Variants in TBC1D8 observed in about 807,000 individuals in gnomAD.
The protein encoded by TBC1D8 is TBC1 domain family member 8.
TBC1D8 carries 65 observed loss-of-function variants against 118.8 expected under a neutral mutation model. The ratio of observed to expected loss-of-function variants is 0.55; its 90% CI spans 0.45 to 0.67. The LOEUF (loss-of-function observed/expected upper bound fraction) is 0.67. TBC1D8 is among the 30% of genes least tolerant of loss of function. The probability of loss-of-function intolerance (pLI) is 0.00; values close to 1 mark genes in which losing one functional copy is unlikely to be tolerated. For synonymous variants in TBC1D8, 566 were observed against 595.8 expected (o/e 0.95, Z 0.73); for missense variants, 1,376 against 1,471.2 (o/e 0.94, Z 1.06).
At chr2:101,102,662 G>A (rs528516329) in intron 1 of TBC1D8, among the ~76,000 whole-genome samples, 17 of 152,066 alleles carry the variant, frequency 1.1e-4, no homozygotes, top group African/African-American at 3.6e-4. Context: ...AGTATACTAC[G>A]TTAACATTAA....
At chr2:101,126,038 G>T (rs533698608) in intron 1 of TBC1D8, among the ~76,000 whole-genome samples, 1 of 152,216 alleles carries the variant, frequency 6.6e-6, no homozygotes, top group East Asian at 1.9e-4. Context: ...GCTTTATTTG[G>T]CTCACAGGTC....
At chr2:101,083,132 A>C (rs2309938) in intron 2 of TBC1D8, among the ~76,000 whole-genome samples, 75,988 of 151,612 alleles carry the variant, frequency 0.5, 19,213 homozygotes, top group East Asian at 0.62. Flanking sequence ...TCTTTATATG[A>C]GGAAGTCTTA....
intron 2 of TBC1D8, among the ~76,000 whole-genome samples, chr2:101,077,413 A>G (rs538755301): frequency 4.8e-4 from 72 of 151,384 alleles, no homozygotes; most frequent in Non-Finnish European, 7.4e-4. Flanking sequence ...ACGCCCAGCT[A>G]ATTTTTTGTA....
chr2:101,092,524 C>T (rs1676108826), intron 1 of TBC1D8, among the ~76,000 whole-genome samples: 1 of 152,098 alleles, frequency 6.6e-6, no homozygotes, highest in Admixed American at 6.6e-5. Flanking sequence ...TTTCATTATT[C>T]TCTTACTTAT....
chr2:101,101,215 C>T (rs1016890393), intron 1 of TBC1D8, among the ~76,000 whole-genome samples: 1 of 152,116 alleles, frequency 6.6e-6, no homozygotes. Context: ...AGCTAAATAA[C>T]TCCATCAAAA....
intron 2 of TBC1D8, among the ~76,000 whole-genome samples, chr2:101,066,774 G>A (rs972438485): frequency 6.6e-6 from 1 of 151,866 alleles, no homozygotes; most frequent in Admixed American, 6.6e-5. Context: ...GCGAAACCCC[G>A]TCTCTATTAA....
chr2:101,093,962 C>T (rs1676224949), intron 1 of TBC1D8, among the ~76,000 whole-genome samples: 1 of 152,102 alleles, frequency 6.6e-6, no homozygotes, highest in Non-Finnish European at 1.5e-5. Flanking sequence ...TCCCAAAGTG[C>T]TGGGATTACA....
chr2:101,142,209 A>G (rs1679134577), intron 1 of TBC1D8, among the ~76,000 whole-genome samples: 1 of 152,138 alleles, frequency 6.6e-6, no homozygotes, highest in African/African-American at 2.4e-5. Context: ...GCTTGGAAAC[A>G]ATTTGGAATT....
Position 101,015,356 on chromosome 2 carries a change from A to G in TBC1D8, c.2828-3816T>C, listed in dbSNP as rs537224033. ...GCGAGTGAATATGAAGGCCTAGGACATTACTGCACACTGCCATAGACTTTA... is the reference window on the plus strand; with the variant it reads ...GCGAGTGAATATGAAGGCCTAGGACGTTACTGCACACTGCCATAGACTTTA... On this transcript the variant is annotated intron_variant, in intron 17 of 19. Coordinates refer to ENST00000409318, the MANE Select transcript of TBC1D8 (RefSeq NM_001330348.2). 2.0e-5 allele frequency among the ~76,000 whole-genome samples: 3 copies of G among 152,316 alleles called. No individual in the cohort carries two copies. The South Asian group carries it at 6.2e-4, about 32-fold the overall frequency.
chr2:101,129,422 T>C (rs1678490594), intron 1 of TBC1D8, among the ~76,000 whole-genome samples: 1 of 152,234 alleles, frequency 6.6e-6, no homozygotes, highest in South Asian at 2.1e-4. Context: ...ATTACAGGCA[T>C]GAGCCATGGC....
At chr2:101,010,881 C>CAA (rs35511736) in intron 19 of TBC1D8, 48 bp downstream of exon 19, 5,294 of 1,291,124 alleles carry the variant, frequency 4.1e-3, no homozygotes, top group Non-Finnish European at 4.2e-3. Flanking sequence ...GACTCCATCT[C>CAA]AAAAAAAAAA....
At chr2:101,025,280 C>T (rs907905422) in intron 15 of TBC1D8, among the ~76,000 whole-genome samples, 29 of 151,834 alleles carry the variant, frequency 1.9e-4, no homozygotes, top group African/African-American at 7.0e-4. Flanking sequence ...GGCTGGAGTG[C>T]AGTGGCTATG....
rs549611907 is a variant in TBC1D8, at chr2:101,080,837, C to G, written c.283+9372G>C. Among the ~76,000 whole-genome samples, 21 of 151,698 alleles carry G rather than the reference C, an allele frequency of 1.4e-4. No homozygotes were observed. The South Asian group carries it at 4.4e-3, about 32-fold the overall frequency. ...TTGCTCTGTTGCCCAGGCTGGAGTA[C>G]AGTAGCACGATCCCAGTTCACTGCA... On this transcript the variant is annotated intron_variant, in intron 2 of 19. Coordinates refer to ENST00000409318, the MANE Select transcript of TBC1D8 (RefSeq NM_001330348.2).
intron 2 of TBC1D8, among the ~76,000 whole-genome samples, chr2:101,087,456 T>TA (rs997981371): frequency 9.9e-4 from 143 of 144,794 alleles, no homozygotes; most frequent in East Asian, 4.7e-3. Context: ...GACCAATAGG[T>TA]AAAAAAAAAA....
chr2:101,101,411 G>A (rs571044740), intron 1 of TBC1D8, among the ~76,000 whole-genome samples: 2 of 152,320 alleles, frequency 1.3e-5, no homozygotes, highest in East Asian at 3.9e-4. Context: ...ATGCTGGCGA[G>A]GCTGTGGAGA....
chr2:101,036,020 G>A lies in TBC1D8; in HGVS notation c.1601C>T (p.Ser534Leu). The change falls in exon 9 of 20, where the codon TCA becomes TTA. Residue 534 changes from serine (S) to leucine (L), a missense_variant and splice_region_variant. By Grantham distance (145) the Ser-to-Leu change is moderately radical. Coordinates refer to ENST00000409318, the MANE Select transcript of TBC1D8 (RefSeq NM_001330348.2). ...TTCGAGACACCAAGAGCGCTTACCTGAGAAGAGAAGCCAGAGTCTCCCTCG... is the reference window on the plus strand; with the variant it reads ...TTCGAGACACCAAGAGCGCTTACCTAAGAAGAGAAGCCAGAGTCTCCCTCG... ...SLRGRLWLLF[S>L]DAVTDLASHP... is the part of the protein sequence containing the mutation. 6.2e-7 allele frequency: 1 copy of A among 1,613,976 alleles called. No individual in the cohort carries two copies. The highest frequency in any genetic ancestry group is 8.5e-7 in the Non-Finnish European group (1 of 1,179,888).
intron 1 of TBC1D8, among the ~76,000 whole-genome samples, chr2:101,103,257 A>G (rs1298919286): frequency 2.6e-5 from 4 of 151,570 alleles, no homozygotes; most frequent in African/African-American, 7.3e-5. Context: ...AGAAAAAACC[A>G]TATGATCACA....
intron 2 of TBC1D8, among the ~76,000 whole-genome samples, chr2:101,070,362 T>C (rs1226197963): frequency 6.6e-6 from 1 of 151,566 alleles, no homozygotes; most frequent in Admixed American, 6.6e-5. Flanking sequence ...AAATATCTTG[T>C]GTGACCAACC....
chr2:101,095,147 A>C (rs1017115823), intron 1 of TBC1D8, among the ~76,000 whole-genome samples: 7 of 152,174 alleles, frequency 4.6e-5, no homozygotes, highest in African/African-American at 1.4e-4. Flanking sequence ...GCCAGGGAAG[A>C]TCCTCTTTGG....
Sources: gnomAD v4.1 joint callset for allele counts (sites outside exome capture counted in the v4.1 genomes callset) on GRCh38, gnomAD v4.1.1 for gene constraint, MANE v1.5 for transcripts, NCBI Gene and HGNC (gene_info 2026-07-23, HGNC 2026-07-21) for gene names.